Variants in AP2A2 observed in about 807,000 individuals in gnomAD.
The protein encoded by AP2A2 is AP-2 complex subunit alpha-2.
AP2A2 carries 32 observed loss-of-function variants against 104.2 expected under a neutral mutation model. That is an observed-to-expected ratio of 0.31 (90% CI 0.23 to 0.41). The LOEUF (loss-of-function observed/expected upper bound fraction) is 0.41, where lower values mean the gene tolerates loss of function less well. Among genes scored for constraint, AP2A2 ranks in the 10% least tolerant of loss-of-function variants. The pLI is 1.00. For missense variants in AP2A2, 912 were observed against 1,261.0 expected (o/e 0.72, Z 4.19); for synonymous variants, 539 against 533.3 (o/e 1.01, Z -0.15).
intron 5 of AP2A2, 141 bp downstream of exon 5, chr11:977,365 G>A (rs1175232739): frequency 1.0e-5 from 12 of 1,157,608 alleles, no homozygotes; most frequent in African/African-American, 3.2e-5. Context: ...CTGAGGCCAC[G>A]GGGGCCCTTC....
intron 9 of AP2A2, among the ~76,000 whole-genome samples, chr11:987,644 G>A (rs1365239950): frequency 4.6e-5 from 7 of 151,406 alleles, no homozygotes; most frequent in African/African-American, 1.7e-4. Flanking sequence ...GACAGAGCGA[G>A]ACTCCGTCTC....
chr11:940,282 A>G (rs1417699894), intron 1 of AP2A2, among the ~76,000 whole-genome samples: 1 of 152,176 alleles, frequency 6.6e-6, no homozygotes, highest in Non-Finnish European at 1.5e-5. Flanking sequence ...CGATGTGCCC[A>G]AGTGTGGCAT....
intron 6 of AP2A2, among the ~76,000 whole-genome samples, chr11:982,072 A>C (rs1345169521): frequency 6.6e-6 from 1 of 152,168 alleles, no homozygotes; most frequent in Non-Finnish European, 1.5e-5. Flanking sequence ...TTCTTTTGAG[A>C]CAGAGTCTCA....
Position 992,647 on chromosome 11 carries a change from G to A in AP2A2, c.1414G>A (p.Asp472Asn). 2 of 1,613,960 alleles carry A rather than the reference G, an allele frequency of 1.2e-6. No individual in the cohort carries two copies. The highest frequency in any genetic ancestry group is 1.7e-6 in the Non-Finnish European group (2 of 1,179,900). The change falls in exon 11 of 22, where the codon GAC becomes AAC. Residue 472 changes from aspartate (D) to asparagine (N), a missense_variant. Physicochemically the swap from Asp to Asn is conservative, Grantham distance 23. Transcript: ENST00000448903. The surrounding 1 kb of genome is among the most constrained non-coding windows in gnomAD (Gnocchi z 6.4). ...AGTCATTCAGATCGTCATCAACCGG[G>A]ACGACGTGCAGGGCTACGCGGCCAA... The part of the protein sequence containing the change: ...YRVIQIVINR[D>N]DVQGYAAKTV...
intron 2 of AP2A2, among the ~76,000 whole-genome samples, chr11:964,007 G>A (rs1854530768): frequency 6.6e-6 from 1 of 152,254 alleles, no homozygotes. Flanking sequence ...CCACAACAGA[G>A]GCGTCAGCCA....
At chr11:975,398 G>A (rs1262765711) in intron 4 of AP2A2, among the ~76,000 whole-genome samples, 6 of 150,266 alleles carry the variant, frequency 4.0e-5, no homozygotes, top group Non-Finnish European at 5.9e-5. Flanking sequence ...TTAGTGAGTA[G>A]CAGTGGGGTC....
At chr11:945,482 G>T (rs958994857) in intron 1 of AP2A2, among the ~76,000 whole-genome samples, 1 of 152,118 alleles carries the variant, frequency 6.6e-6, no homozygotes. Flanking sequence ...TATGAGTGCT[G>T]CCACCACGCC....
rs1412281595 is a variant in AP2A2 at position 1,011,557 on chromosome 11, G to C, written c.*932G>C. The C allele has an allele frequency of 4.3e-6, 2 of 464,644 alleles. No individual in the cohort carries two copies. The highest frequency in any genetic ancestry group is 3.9e-5 in the African/African-American group (2 of 50,702). The allele number at this position is 464,644 out of a possible 1,614,324, so 28.8% of individuals were successfully genotyped here. ...GCATGCCATGTGCCACCTGCGGCTT[G>C]TGTCTCACCTGTCATCTGGACTCAG... On this transcript the variant is annotated 3_prime_UTR_variant, in exon 22 of 22. Transcript: ENST00000448903.
intron 18 of AP2A2, chr11:1,008,734 T>G: frequency 3.1e-6 from 1 of 322,380 alleles, no homozygotes; most frequent in South Asian, 5.6e-5. Context: ...GATTGTATAC[T>G]GTAGAATTCG....
At position 992,422 on chromosome 11, in the gene AP2A2, C is replaced by A. The variant is rs1163121612; in HGVS notation, c.1270-81C>A. On this transcript the variant is annotated intron_variant, in intron 10 of 21. Transcript: ENST00000448903. This position sits in a 1 kb window ranked among gnomAD's most constrained non-coding sequence, Gnocchi z 6.4. ...CACATTGAGGTGCTTCTGAAACTCT[C>A]ACTTTGACTTTGGACGACAGTTTGG... 7.0e-7 allele frequency: 1 copy of A among 1,421,456 alleles called. No homozygotes were observed. The highest frequency in any genetic ancestry group is 9.7e-7 in the Non-Finnish European group (1 of 1,031,502). 88.1% of individuals were successfully genotyped at this position (1,421,456 alleles called of 1,614,324 possible). A position where few individuals can be genotyped will look rare whatever the true frequency, so the allele number is the denominator to read the frequency against.
In AP2A2 at chr11:1,011,075, C is replaced by T. The variant is rs777731736; in HGVS notation, c.*450C>T. The T allele has an allele frequency of 2.5e-5, 15 of 611,472 alleles. No individual in the cohort carries two copies. Among genetic ancestry groups the T allele is most frequent in the South Asian group, 4.2e-5 (3 of 71,268 alleles). 37.9% of individuals were successfully genotyped at this position (611,472 alleles called of 1,614,324 possible). On this transcript the variant is annotated 3_prime_UTR_variant, in exon 22 of 22. Coordinates refer to ENST00000448903, the MANE Select transcript of AP2A2 (RefSeq NM_012305.4). ...GTCCTGGTGGCTGCACACCTGGCGT[C>T]GTCCTGGGCCCTTGGGAGGAGCACA...
chr11:1,007,736 GC>G, intron 17 of AP2A2: 2 of 539,850 alleles, frequency 3.7e-6, no homozygotes, highest in Non-Finnish European at 6.6e-6. Flanking sequence ...AAGACCCAGA[GC>G]CGAGGCTCAG....
chr11:959,080 C>G (rs1353722116), intron 1 of AP2A2, among the ~76,000 whole-genome samples: 1 of 152,250 alleles, frequency 6.6e-6, no homozygotes, highest in Non-Finnish European at 1.5e-5. Flanking sequence ...GACGATTTAT[C>G]ATGGCAAACA....
intron 2 of AP2A2, among the ~76,000 whole-genome samples, chr11:964,580 G>A (rs1392383978): frequency 5.3e-5 from 8 of 152,256 alleles, no homozygotes; most frequent in South Asian, 2.1e-4. Flanking sequence ...GGCTGAAGTC[G>A]GTTTGGCCAG....
chr11:971,362 G>A (rs1259447988), intron 3 of AP2A2, among the ~76,000 whole-genome samples: 2 of 152,214 alleles, frequency 1.3e-5, no homozygotes, highest in African/African-American at 2.4e-5. Flanking sequence ...TGGCCTGGGC[G>A]TGCGAGCGCA....
chr11:995,747 C>T (rs1212053163), intron 14 of AP2A2, among the ~76,000 whole-genome samples: 30 of 119,620 alleles, frequency 2.5e-4, no homozygotes, highest in Non-Finnish European at 5.1e-4. Context: ...CCTCTTCCTC[C>T]CTCTCCCCTC....
In AP2A2 at chr11:993,444, C is replaced by CATTAAAA; in HGVS notation, c.1550+64_1550+65insTTAAAAA. 1 of 1,255,730 alleles carries CATTAAAA rather than the reference C, an allele frequency of 8.0e-7. No individual in the cohort carries two copies. Among genetic ancestry groups the CATTAAAA allele is most frequent in the Non-Finnish European group, 1.0e-6 (1 of 952,678 alleles). The allele number at this position is 1,255,730 out of a possible 1,614,324, so 77.8% of individuals were successfully genotyped here. On this transcript the variant is annotated intron_variant, in intron 12 of 21. Transcript: ENST00000448903. The surrounding 1 kb of genome is among the most constrained non-coding windows in gnomAD (Gnocchi z 8.2). ...CGGCGGGCCTCTCGGTGGTCGGTGG[C>CATTAAAA]AAGAGGCGAGGCACCAGCTGGCCCT... is the stretch of plus-strand genomic sequence containing the variant.
rs568959012 is a variant in AP2A2 at position 979,027 on chromosome 11, A to G, written c.603+1803A>G. On this transcript the variant is annotated intron_variant, in intron 5 of 21. Coordinates refer to ENST00000448903, the MANE Select transcript of AP2A2 (RefSeq NM_012305.4). Reference sequence around the variant, plus strand: ...AAGGACAGGAGACACCATGGGGAGAAGGGTTGGGGGGCTGGGCCAAGGGCT... The same window carrying G: ...AAGGACAGGAGACACCATGGGGAGAGGGGTTGGGGGGCTGGGCCAAGGGCT... Among the ~76,000 whole-genome samples the G allele has an allele frequency of 5.3e-5, 8 of 151,612 alleles. No homozygotes were observed. In the East Asian group the frequency reaches 5.8e-4, roughly 11 times the overall value.
intron 2 of AP2A2, among the ~76,000 whole-genome samples, chr11:967,486 C>T (rs1357393407): frequency 1.3e-5 from 2 of 152,040 alleles, no homozygotes; most frequent in South Asian, 2.1e-4. Context: ...CTCAGCCTCC[C>T]GAGTAGCTGG....
Sources: gnomAD v4.1 joint callset for allele counts (sites outside exome capture counted in the v4.1 genomes callset) on GRCh38, gnomAD v4.1.1 for gene constraint, Gnocchi (gnomAD v3.1) non-coding constraint, MANE v1.5 for transcripts, NCBI Gene and HGNC (gene_info 2026-07-23, HGNC 2026-07-21) for gene names.